The following KDR variants were observed in gnomAD, a reference collection of about 807,000 sequenced individuals.
The protein encoded by KDR is vascular endothelial growth factor receptor 2.
KDR carries 43 observed loss-of-function variants against 160.9 expected under a neutral mutation model. The ratio of observed to expected loss-of-function variants is 0.27; its 90% confidence interval spans 0.21 to 0.34. The LOEUF is 0.34. KDR is among the 10% of genes least tolerant of loss of function. KDR has a pLI of 1.00. For synonymous variants in KDR, 617 were observed against 600.1 expected, an observed-to-expected ratio of 1.03 and a Z score of -0.41; for missense variants, 1,469 against 1,666.4, an observed-to-expected ratio of 0.88 and a Z score of 2.06.
Position 55,115,223 on chromosome 4 carries a change from T to C in KDR, c.489+58A>G, listed in dbSNP as rs955628955. On this transcript the variant is annotated intron_variant, in intron 4 of 29. Transcript: ENST00000263923. ...GAATATTATAAACAGGTTACCCATC[T>C]TAATATTAGCTTAAAATTATAAAAA... 5 of 1,462,980 alleles carry C rather than the reference T, an allele frequency of 3.4e-6. No individual in the cohort carries two copies. In the African/African-American group the frequency reaches 7.0e-5, roughly 20 times the overall value. The allele number at this position is 1,462,980 out of a possible 1,614,324, so 90.6% of individuals were successfully genotyped here. A position where few individuals can be genotyped will look rare whatever the true frequency, so the allele number is the denominator to read the frequency against.
At chr4:55,108,235 TAAAA>T (rs1193057313) in intron 9 of KDR, among the ~76,000 whole-genome samples, 1 of 145,558 alleles carries the variant, frequency 6.9e-6, no homozygotes, top group Admixed American at 6.9e-5. Flanking sequence ...CGAAATAAAA[TAAAA>T]ATGACAATAA....
At chr4:55,092,959 G>A (rs922035292) in intron 21 of KDR, among the ~76,000 whole-genome samples, 4 of 152,152 alleles carry the variant, frequency 2.6e-5, no homozygotes, top group South Asian at 2.1e-4. Flanking sequence ...AAATCCAGGA[G>A]GTAGAATAAG....
intron 15 of KDR, among the ~76,000 whole-genome samples, chr4:55,100,845 C>T (rs1720292959): frequency 6.6e-6 from 1 of 151,894 alleles, no homozygotes. Context: ...TCTTTCTTAC[C>T]CTTGCATACC....
At chr4:55,115,948 T>G (rs1253271347) in intron 3 of KDR, among the ~76,000 whole-genome samples, 1 of 152,178 alleles carries the variant, frequency 6.6e-6, no homozygotes, top group African/African-American at 2.4e-5. Context: ...ACTTTTGAAT[T>G]TGGTTATTCA....
In KDR at chr4:55,106,742, C is replaced by T; in HGVS notation, c.1481G>A (p.Gly494Glu). The change falls in exon 11 of 30, where the codon GGA (glycine) becomes GAA (glutamate). Residue 494 changes from glycine (G) to glutamate (E), a missense_variant. By Grantham distance (98) the Gly-to-Glu change is moderately conservative (BLOSUM62 -2). Coordinates refer to ENST00000263923, the MANE Select transcript of KDR (RefSeq NM_002253.4). ...ATTTTTATTAACTTCAATTTTATTT[C>T]CTCCCTGGAAGTCCTCCACACTTCT... is the stretch of plus-strand genomic sequence containing the variant. Reference protein sequence around the residue: ...EWRSVEDFQGGNKIEVNKNQF... With the variant: ...EWRSVEDFQGENKIEVNKNQF... The T allele has an allele frequency of 6.3e-7, 1 of 1,588,918 alleles. No homozygotes were observed. Among genetic ancestry groups the T allele is most frequent in the Non-Finnish European group, 8.6e-7 (1 of 1,157,094 alleles).
chr4:55,105,785 C>T (rs1273252317), intron 12 of KDR, 47 bp downstream of exon 12: 3 of 1,106,048 alleles, frequency 2.7e-6, no homozygotes, highest in Non-Finnish European at 4.2e-6. Flanking sequence ...AGCTTAGTAC[C>T]CACTGTGTGA....
At chr4:55,081,650 G>A (rs920659578) in intron 29 of KDR, among the ~76,000 whole-genome samples, 3 of 152,000 alleles carry the variant, frequency 2.0e-5, no homozygotes, top group South Asian at 2.1e-4. Context: ...ACAGCTTTAC[G>A]GATCACATCC....
chr4:55,098,570 T>C, intron 16 of KDR, 127 bp downstream of exon 16: 3 of 786,514 alleles, frequency 3.8e-6, no homozygotes, highest in Admixed American at 2.0e-5. Flanking sequence ...GGAACGTTAT[T>C]GTATTGAAAT....
chr4:55,093,196 G>T (rs1375885754), intron 21 of KDR, among the ~76,000 whole-genome samples: 3 of 152,146 alleles, frequency 2.0e-5, no homozygotes, highest in African/African-American at 7.2e-5. Context: ...AAAAATACTA[G>T]AAATATATTT....
chr4:55,095,055 A>T lies in KDR; in HGVS notation c.2818-100T>A, dbSNP rs59563997. The T allele has an allele frequency of 2.8e-3, 3,269 of 1,180,370 alleles. 57 individuals are homozygous for T. In the African/African-American group the frequency reaches 0.042, roughly 15 times the overall value. 73.1% of individuals were successfully genotyped at this position (1,180,370 alleles called of 1,614,324 possible). ...GTAGTAAACCATGGAGATAATTGAA[A>T]CTACTAAAAAGCAGACAAGGAGGAC... On this transcript the variant is annotated intron_variant, in intron 20 of 29. Transcript: ENST00000263923.
chr4:55,115,390 G>T lies in KDR; in HGVS notation c.380C>A (p.Ala127Asp). 6.6e-7 allele frequency: 1 copy of T among 1,519,642 alleles called. No homozygotes were observed. The highest frequency in any genetic ancestry group is 9.1e-7 in the Non-Finnish European group (1 of 1,094,180). 94.1% of individuals were successfully genotyped at this position (1,519,642 alleles called of 1,614,324 possible). A position where few individuals can be genotyped will look rare whatever the true frequency, so the allele number is the denominator to read the frequency against. ...YVQDYRSPFIASVSDQHGVVY... is the reference protein window; with the variant it reads ...YVQDYRSPFIDSVSDQHGVVY... ...GACTCCATGTTGGTCACTAACAGAA[G>T]CAATAAATGGAGATCTGTAATCTAG... Residue 127 changes from alanine to aspartate, a missense_variant, in exon 4 of 30, where the codon GCT (alanine) becomes GAT (aspartate). Around this residue, in one of 7 missense-constraint regions of KDR, gnomAD observed 792 missense variants for 840.9 expected, o/e 0.94. Coordinates refer to ENST00000263923, the MANE Select transcript of KDR (RefSeq NM_002253.4).
intron 1 of KDR, among the ~76,000 whole-genome samples, chr4:55,124,722 C>A (rs1720985710): frequency 6.6e-6 from 1 of 151,702 alleles, no homozygotes; most frequent in Non-Finnish European, 1.5e-5. Context: ...CAAGTGTGTT[C>A]GAGCATGAAG....
intron 18 of KDR, 30 bp from the exon 19 acceptor site, chr4:55,096,372 T>C (rs778504307): frequency 1.3e-6 from 2 of 1,491,616 alleles, no homozygotes; most frequent in Non-Finnish European, 1.9e-6. Context: ...AGGGAAATCA[T>C]AGGTATGGAC....
chr4:55,086,729 A>G (rs1719875705), intron 27 of KDR, among the ~76,000 whole-genome samples: 1 of 152,148 alleles, frequency 6.6e-6, no homozygotes, highest in Admixed American at 6.5e-5. Context: ...ACTGTCCACG[A>G]GTTTCTCCTT....
chr4:55,108,251 C>CTAA (rs1560520529), intron 9 of KDR, among the ~76,000 whole-genome samples: 1 of 150,774 alleles, frequency 6.6e-6, no homozygotes, highest in East Asian at 1.9e-4. Context: ...TGACAATAAG[C>CTAA]TAATAATAAT....
intron 1 of KDR, among the ~76,000 whole-genome samples, chr4:55,123,925 T>TTACTACTAC (rs756756130): frequency 2.0e-5 from 3 of 152,194 alleles, no homozygotes; most frequent in Non-Finnish European, 4.4e-5. Flanking sequence ...CGGCCTGCCG[T>TTACTACTAC]TACTACTACG....
In KDR at chr4:55,114,218, G is replaced by T. The variant is rs1720674770; in HGVS notation, c.706C>A (p.Leu236Ile). 1.2e-6 allele frequency: 2 copies of T among 1,613,888 alleles called. No individual in the cohort carries two copies. The highest frequency in any genetic ancestry group is 1.7e-6 in the Non-Finnish European group (2 of 1,179,838). ...AAGACAAGCTTTTCTCCAACAGATA[G>T]TTCAATTCCATGAGACGGACTCAGA... ...VVLSPSHGIE[L>I]SVGEKLVLNC... Residue 236 changes from leucine (L) to isoleucine (I), a missense_variant, in exon 6 of 30, where the codon CTA (leucine) becomes ATA (isoleucine). Leu to Ile is a conservative substitution (Grantham distance 5). Transcript: ENST00000263923.
intron 7 of KDR, among the ~76,000 whole-genome samples, chr4:55,112,549 A>G (rs1720620077): frequency 1.6e-5 from 2 of 123,434 alleles, no homozygotes; most frequent in South Asian, 2.6e-4. Flanking sequence ...TTTTTTTGAG[A>G]AGGAGTTTCA....
rs911088705 is a variant in KDR, at chr4:55,114,185, T to C, written c.739A>G (p.Thr247Ala). The part of the protein sequence containing the change: ...SVGEKLVLNC[T>A]ARTELNVGID... ...CCCACATTTAGTTCAGTTCTTGCTGTACAATTTAAGACAAGCTTTTCTCCA... is the reference window on the plus strand; with the variant it reads ...CCCACATTTAGTTCAGTTCTTGCTGCACAATTTAAGACAAGCTTTTCTCCA... The change falls in exon 6 of 30, where the codon ACA becomes GCA. Residue 247 changes from threonine to alanine, a missense_variant. Physicochemically the swap from Thr to Ala is moderately conservative, Grantham distance 58. Transcript: ENST00000263923. The C allele has an allele frequency of 1.2e-6, 2 of 1,614,028 alleles. No homozygotes were observed. Among genetic ancestry groups the C allele is most frequent in the East Asian group, 4.5e-5 (2 of 44,878 alleles).
Sources: gnomAD v4.1 joint callset for allele counts (sites outside exome capture counted in the v4.1 genomes callset) on GRCh38, gnomAD v4.1.1 for gene constraint, gnomAD v4.1.1 regional missense constraint, MANE v1.5 for transcripts, NCBI Gene and HGNC (gene_info 2026-07-23, HGNC 2026-07-21) for gene names.